The following UTRN variants were observed in gnomAD, a reference collection of about 807,000 sequenced individuals.
UTRN encodes the protein dystrophin-related protein 1.
UTRN carries 283 observed loss-of-function variants against 463.9 expected under a neutral mutation model. The observed-to-expected ratio is 0.61, with a 90% CI of 0.55 to 0.67. The LOEUF (loss-of-function observed/expected upper bound fraction) is 0.67. Among genes scored for constraint, UTRN ranks in the 30% least tolerant of loss-of-function variants. The pLI is 0.00. For missense variants in UTRN, 3,922 were observed against 4,084.3 expected, an observed-to-expected ratio of 0.96 and a Z score of 1.08; for synonymous variants, 1,442 against 1,431.5, an observed-to-expected ratio of 1.01 and a Z score of -0.17.
chr6:144,722,527 C>T (rs191548970), intron 53 of UTRN, among the ~76,000 whole-genome samples: 1 of 152,210 alleles, frequency 6.6e-6, no homozygotes, highest in East Asian at 1.9e-4. Context: ...GTACATTTTT[C>T]CATTCTCTTG....
chr6:144,801,665 A>G (rs17074214), intron 64 of UTRN, among the ~76,000 whole-genome samples: 2,403 of 152,270 alleles, frequency 0.016, 65 homozygotes, highest in African/African-American at 0.055. Context: ...TTTCAGTTAG[A>G]ATCATACACA....
At chr6:144,753,668 AC>A in intron 56 of UTRN, among the ~76,000 whole-genome samples, 1 of 150,256 alleles carries the variant, frequency 6.7e-6, no homozygotes, top group East Asian at 2.0e-4. Flanking sequence ...AGAGTGTCCA[AC>A]CTGGGCAGCA....
chr6:144,468,528 T>C (rs1241065533), intron 23 of UTRN, among the ~76,000 whole-genome samples: 1 of 152,198 alleles, frequency 6.6e-6, no homozygotes, highest in Non-Finnish European at 1.5e-5. Context: ...ACATTTGCTT[T>C]AGAAATTTAC....
chr6:144,665,653 G>A (rs1203460224), intron 51 of UTRN, among the ~76,000 whole-genome samples: 3 of 152,212 alleles, frequency 2.0e-5, no homozygotes, highest in Non-Finnish European at 4.4e-5. Flanking sequence ...GATCTGAATA[G>A]TGGGTGTTGT....
intron 54 of UTRN, among the ~76,000 whole-genome samples, chr6:144,738,279 C>T (rs1362035049): frequency 6.6e-6 from 1 of 152,204 alleles, no homozygotes; most frequent in Non-Finnish European, 1.5e-5. Context: ...CTGCCAGCCT[C>T]CCCTGGCTGT....
intron 3 of UTRN, among the ~76,000 whole-genome samples, chr6:144,410,486 G>A (rs1361738559): frequency 1.3e-5 from 2 of 152,006 alleles, no homozygotes; most frequent in African/African-American, 2.4e-5. Context: ...GTTCTTTAAC[G>A]GTGATTTGGT....
At position 144,309,875 on chromosome 6, in the gene UTRN, T is replaced by G. The variant is rs147357814; in HGVS notation, c.79+17968T>G. On this transcript the variant is annotated intron_variant, in intron 2 of 74. Coordinates refer to ENST00000367545, the MANE Select transcript of UTRN (RefSeq NM_007124.3). ...TCTCCCCTTACTAGTTTGTGCTCATTATATGAGGCAGGCACCTCCCAGGTC... is the reference window on the plus strand; with the variant it reads ...TCTCCCCTTACTAGTTTGTGCTCATGATATGAGGCAGGCACCTCCCAGGTC... Among the ~76,000 whole-genome samples, 230 of 152,328 alleles carry G rather than the reference T, an allele frequency of 1.5e-3. 3 individuals carry two copies. The Middle Eastern group carries it at 0.02, about 14-fold the overall frequency.
intron 53 of UTRN, among the ~76,000 whole-genome samples, chr6:144,709,229 A>G (rs1785408313): frequency 6.6e-6 from 1 of 152,206 alleles, no homozygotes; most frequent in South Asian, 2.1e-4. Context: ...ACTCTTTTCA[A>G]TTATAACATT....
At chr6:144,386,913 G>A (rs552576917) in intron 2 of UTRN, among the ~76,000 whole-genome samples, 5 of 151,838 alleles carry the variant, frequency 3.3e-5, no homozygotes, top group East Asian at 3.9e-4. Context: ...AACCACTTCC[G>A]AAATACTCCA....
chr6:144,728,421 G>T (rs1217117519), intron 53 of UTRN, among the ~76,000 whole-genome samples: 1 of 148,446 alleles, frequency 6.7e-6, no homozygotes, highest in African/African-American at 2.5e-5. Flanking sequence ...CATTTTTCTT[G>T]TATCTCTTTT....
chr6:144,749,276 A>C (rs1389716301), intron 55 of UTRN, among the ~76,000 whole-genome samples: 3 of 152,236 alleles, frequency 2.0e-5, no homozygotes, highest in African/African-American at 7.2e-5. Flanking sequence ...GATAAAAATA[A>C]GTACTGAATT....
intron 51 of UTRN, among the ~76,000 whole-genome samples, chr6:144,662,957 T>TCTTATATACTCATATAA (rs1780015255): frequency 6.6e-6 from 1 of 152,228 alleles, no homozygotes; most frequent in Admixed American, 6.5e-5. Context: ...GTTTGGCATG[T>TCTTATATACTCATATAA]GGTTGAGCAC....
intron 51 of UTRN, among the ~76,000 whole-genome samples, chr6:144,668,449 A>T (rs1585890954): frequency 6.6e-6 from 1 of 152,340 alleles, no homozygotes; most frequent in East Asian, 1.9e-4. Context: ...ATTTATAACA[A>T]GAGAAACTTA....
chr6:144,455,062 T>TAC (rs142660252), intron 19 of UTRN, among the ~76,000 whole-genome samples: 15,182 of 151,290 alleles, frequency 0.1, 2,271 homozygotes, highest in African/African-American at 0.33. Context: ...GATATGTGTA[T>TAC]ACACACACAC....
chr6:144,296,738 A>T (rs995541715), intron 2 of UTRN, among the ~76,000 whole-genome samples: 5 of 152,050 alleles, frequency 3.3e-5, no homozygotes, highest in African/African-American at 9.7e-5. Context: ...CACATTTTGC[A>T]CTGTATTAAT....
chr6:144,314,486 G>T (rs1264385967), intron 2 of UTRN, among the ~76,000 whole-genome samples: 1 of 152,182 alleles, frequency 6.6e-6, no homozygotes, highest in Non-Finnish European at 1.5e-5. Flanking sequence ...AGCTGCTCTT[G>T]GGTTGGCCAG....
chr6:144,539,057 A>G (rs1034053576), intron 44 of UTRN, among the ~76,000 whole-genome samples: 27 of 152,220 alleles, frequency 1.8e-4, no homozygotes, highest in African/African-American at 6.0e-4. Flanking sequence ...AGAGACAGTG[A>G]GTACCAGAGA....
At chr6:144,427,921 A>T (rs952010464) in intron 7 of UTRN, among the ~76,000 whole-genome samples, 2 of 152,204 alleles carry the variant, frequency 1.3e-5, no homozygotes, top group Admixed American at 6.5e-5. Context: ...GTATATAGAA[A>T]TGTACACACA....
intron 51 of UTRN, among the ~76,000 whole-genome samples, chr6:144,677,620 G>T (rs980825110): frequency 3.3e-5 from 5 of 152,028 alleles, no homozygotes; most frequent in Admixed American, 2.6e-4. Flanking sequence ...TAATCCTTTG[G>T]GTATATACCC....
Sources: gnomAD v4.1 joint callset for allele counts (sites outside exome capture counted in the v4.1 genomes callset) on GRCh38, gnomAD v4.1.1 for gene constraint, MANE v1.5 for transcripts, NCBI Gene and HGNC (gene_info 2026-07-23, HGNC 2026-07-21) for gene names.